The following CLEC9A variants were observed in gnomAD, a reference collection of about 807,000 sequenced individuals.
The protein encoded by CLEC9A is C-type lectin domain family 9 member A.
A neutral mutation model predicts 30.0 loss-of-function variants in CLEC9A; 24 were observed. The observed-to-expected ratio is 0.80, with a 90% CI of 0.58 to 1.13. CLEC9A has a LOEUF of 1.13. Among genes scored for constraint, CLEC9A ranks in the 50% most tolerant of loss-of-function variants. The pLI is 0.00. For synonymous variants in CLEC9A, 111 were observed against 96.8 expected (o/e 1.15, Z -0.86); for missense variants, 251 against 280.9 (o/e 0.89, Z 0.76).
intron 5 of CLEC9A, among the ~76,000 whole-genome samples, chr12:10,058,897 T>G (rs1005024955): frequency 1.3e-5 from 2 of 152,220 alleles, no homozygotes; most frequent in Non-Finnish European, 2.9e-5. Context: ...CGTTTTGTGG[T>G]TAAAAATATG....
intron 1 of CLEC9A, among the ~76,000 whole-genome samples, chr12:10,038,323 G>A (rs1444888527): frequency 6.6e-6 from 1 of 152,080 alleles, no homozygotes; most frequent in Non-Finnish European, 1.5e-5. Context: ...AAAATAATTT[G>A]AAGAGTGTAG....
chr12:10,040,943 C>T (rs1865789998), intron 1 of CLEC9A: 2 of 197,238 alleles, frequency 1.0e-5, no homozygotes, highest in South Asian at 8.0e-5. Flanking sequence ...TGTAATAAAA[C>T]AATCAGAACA....
intron 1 of CLEC9A, among the ~76,000 whole-genome samples, chr12:10,039,630 C>T (rs950484302): frequency 1.3e-5 from 2 of 152,100 alleles, no homozygotes; most frequent in African/African-American, 4.8e-5. Context: ...TTGCGTCATC[C>T]CACTTTGTTT....
intron 1 of CLEC9A, among the ~76,000 whole-genome samples, chr12:10,035,522 T>C (rs2137295217): frequency 6.6e-6 from 1 of 152,398 alleles, no homozygotes; most frequent in Admixed American, 6.5e-5. Flanking sequence ...AATTCAAATA[T>C]ACTTGATCAG....
At chr12:10,059,769 A>G (rs1865979171) in intron 5 of CLEC9A, among the ~76,000 whole-genome samples, 1 of 152,134 alleles carries the variant, frequency 6.6e-6, no homozygotes, top group Non-Finnish European at 1.5e-5. Flanking sequence ...AATAAAAGCC[A>G]AGTTACAGAC....
intron 2 of CLEC9A, among the ~76,000 whole-genome samples, chr12:10,042,140 G>T (rs1221461429): frequency 6.6e-6 from 1 of 152,162 alleles, no homozygotes; most frequent in Non-Finnish European, 1.5e-5. Flanking sequence ...ATAACTAAAA[G>T]TATTCATGCA....
At position 10,064,145 on chromosome 12, in the gene CLEC9A, C is replaced by A. The variant is rs570837826; in HGVS notation, c.472-587C>A. On this transcript the variant is annotated intron_variant, in intron 7 of 8. Transcript: ENST00000355819. ...ATAAAAAATGTATACCTGCTATATT[C>A]AGTAATTAGATGAAGTTCATTTCAA... Among the ~76,000 whole-genome samples the A allele has an allele frequency of 6.6e-5, 10 of 152,188 alleles. No homozygotes were observed. The South Asian group carries it at 2.1e-3, about 32-fold the overall frequency.
chr12:10,059,080 A>G (rs1015152119), intron 5 of CLEC9A, among the ~76,000 whole-genome samples: 1 of 152,174 alleles, frequency 6.6e-6, no homozygotes, highest in African/African-American at 2.4e-5. Flanking sequence ...CAATATGTCT[A>G]TTCAATAACC....
At chr12:10,032,508 A>G (rs914902925) in intron 1 of CLEC9A, among the ~76,000 whole-genome samples, 1 of 148,544 alleles carries the variant, frequency 6.7e-6, no homozygotes, top group African/African-American at 2.5e-5. Flanking sequence ...CTTCCGCCTC[A>G]GCCTCTCGAG....
At chr12:10,064,613 C>G (rs914124814) in intron 7 of CLEC9A, 119 bp from the exon 8 acceptor site, 1 of 1,098,108 alleles carries the variant, frequency 9.1e-7, no homozygotes, top group Admixed American at 2.6e-5. Context: ...TCCCTTCTCT[C>G]CTTTTCCAGA....
rs192100335 is a variant in CLEC9A at position 10,039,106 on chromosome 12, A to G, written c.-317-2360A>G. On this transcript the variant is annotated intron_variant, in intron 1 of 8. Transcript: ENST00000355819. ...ATACTGCCTGCTCCTTGATGTCTTT[A>G]TTATATGCCTACAATTGGCCCTGCT... Among the ~76,000 whole-genome samples, 42 of 152,308 alleles carry G rather than the reference A, an allele frequency of 2.8e-4. 1 individual carries two copies. The highest frequency in any genetic ancestry group is 9.6e-4 in the African/African-American group (40 of 41,564).
At chr12:10,034,095 A>T (rs1011944813) in intron 1 of CLEC9A, among the ~76,000 whole-genome samples, 1 of 152,248 alleles carries the variant, frequency 6.6e-6, no homozygotes, top group East Asian at 1.9e-4. Context: ...AAAATGAAGC[A>T]CTGTGAAGAC....
chr12:10,047,554 C>T (rs907322098), intron 2 of CLEC9A, among the ~76,000 whole-genome samples: 4 of 152,104 alleles, frequency 2.6e-5, no homozygotes, highest in Admixed American at 6.6e-5. Context: ...TAGCAAAATT[C>T]GACTCCTCTG....
At chr12:10,037,662 C>T (rs1865755076) in intron 1 of CLEC9A, among the ~76,000 whole-genome samples, 1 of 152,194 alleles carries the variant, frequency 6.6e-6, no homozygotes, top group African/African-American at 2.4e-5. Context: ...GTGCAAACTC[C>T]ACACAGTGGC....
chr12:10,041,695 T>G, intron 2 of CLEC9A, 75 bp downstream of exon 2: 2 of 502,288 alleles, frequency 4.0e-6, no homozygotes, highest in South Asian at 2.9e-5. Flanking sequence ...ACCTTTTTTG[T>G]TTTTTACATT....
intron 1 of CLEC9A, among the ~76,000 whole-genome samples, chr12:10,034,207 A>C (rs1268562884): frequency 6.6e-6 from 1 of 152,242 alleles, no homozygotes; most frequent in Non-Finnish European, 1.5e-5. Flanking sequence ...TAAATTTGTC[A>C]TAAGTTTAAT....
intron 1 of CLEC9A, among the ~76,000 whole-genome samples, chr12:10,040,693 G>A (rs1013456294): frequency 6.6e-6 from 1 of 151,368 alleles, no homozygotes; most frequent in Non-Finnish European, 1.5e-5. Flanking sequence ...CTCGTGATCC[G>A]CCCGCCTCAG....
At position 10,063,059 on chromosome 12, in the gene CLEC9A, T is replaced by C; in HGVS notation, c.324T>C (p.His108=). ...AFMQNSLSSA[H]NSSPCPNNWI... is the part of the protein sequence containing the mutation. The stretch of plus-strand genomic sequence containing the variant: ...GTAAAATGTTTATATTCAAAGCCCA[T>C]AACAGCAGTCCTTGTCCAAACAATT... The change falls in exon 7 of 9, where the codon CAT becomes CAC. Residue 108 remains histidine (H), a synonymous_variant. Coordinates refer to ENST00000355819, the MANE Select transcript of CLEC9A (RefSeq NM_207345.4). 1 of 1,595,854 alleles carries C rather than the reference T, an allele frequency of 6.3e-7. No individual in the cohort carries two copies. Among genetic ancestry groups the C allele is most frequent in the Non-Finnish European group, 8.5e-7 (1 of 1,174,658 alleles).
At chr12:10,050,617 C>T (rs1243696495) in intron 2 of CLEC9A, among the ~76,000 whole-genome samples, 2 of 152,122 alleles carry the variant, frequency 1.3e-5, no homozygotes, top group African/African-American at 4.8e-5. Flanking sequence ...TTGGGAGAAG[C>T]CAATGGCTCC....
Sources: allele counts gnomAD v4.1 joint callset (sites outside exome capture counted in the v4.1 genomes callset), GRCh38; gene constraint gnomAD v4.1.1; transcripts MANE v1.5; gene names NCBI Gene and HGNC (gene_info 2026-07-23, HGNC 2026-07-21).